EVI5L: variants seen among roughly 807,000 people sequenced by gnomAD.
The protein encoded by EVI5L is EVI5-like protein.
A neutral mutation model predicts 106.1 loss-of-function variants in EVI5L; 30 were observed. That is an observed-to-expected ratio of 0.28 (90% CI 0.21 to 0.38). EVI5L has a LOEUF of 0.38. EVI5L is among the 10% of genes least tolerant of loss of function. The probability of loss-of-function intolerance (pLI) is 1.00; values close to 1 mark genes in which losing one functional copy is unlikely to be tolerated. For synonymous variants in EVI5L, 489 were observed against 483.3 expected, an observed-to-expected ratio of 1.01 and a Z score of -0.15; for missense variants, 809 against 1,098.0, an observed-to-expected ratio of 0.74 and a Z score of 3.72.
chr19:7,833,378 A>AT (rs1978302938), intron 1 of EVI5L, among the ~76,000 whole-genome samples: 1 of 152,252 alleles, frequency 6.6e-6, no homozygotes, highest in Admixed American at 6.5e-5. Context: ...CACCATTGAC[A>AT]TATTATCTCA....
intron 8 of EVI5L, 34 bp from the exon 9 acceptor site, chr19:7,853,052 G>A: frequency 1.9e-6 from 3 of 1,612,566 alleles, no homozygotes; most frequent in Non-Finnish European, 2.5e-6. Context: ...GGGCCTGCAT[G>A]TTGGTGACCA....
intron 8 of EVI5L, among the ~76,000 whole-genome samples, chr19:7,852,177 G>A (rs1222307741): frequency 6.6e-6 from 1 of 152,316 alleles, no homozygotes; most frequent in East Asian, 1.9e-4. Flanking sequence ...GCAACCTCAC[G>A]CCTTGCCCCG....
chr19:7,863,841 C>G lies in EVI5L; in HGVS notation c.*139C>G. On this transcript the variant is annotated 3_prime_UTR_variant, in exon 20 of 20. Coordinates refer to ENST00000538904, the MANE Select transcript of EVI5L (RefSeq NM_001159944.3). This position sits in a 1 kb window ranked among gnomAD's most constrained non-coding sequence, Gnocchi z 7.7. ...CGGCCACCCCTAAAGCGAGGCCCGGCGAGGCAGCGCAGAGGGTAGGGTCCG... is the reference window on the plus strand; with the variant it reads ...CGGCCACCCCTAAAGCGAGGCCCGGGGAGGCAGCGCAGAGGGTAGGGTCCG... 2 of 1,232,476 alleles carry G rather than the reference C, an allele frequency of 1.6e-6. No individual in the cohort carries two copies. Among genetic ancestry groups the G allele is most frequent in the Non-Finnish European group, 2.1e-6 (2 of 930,870 alleles). The allele number at this position is 1,232,476 out of a possible 1,614,324, so 76.3% of individuals were successfully genotyped here.
At position 7,862,215 on chromosome 19, in the gene EVI5L, G is replaced by GAGGCCC. The variant is rs1568245680; in HGVS notation, c.1745_1750dup (p.Gln582_Ala583dup). 3 of 1,573,122 alleles carry GAGGCCC rather than the reference G, an allele frequency of 1.9e-6. No individual in the cohort carries two copies. The highest frequency in any genetic ancestry group is 2.3e-5 in the East Asian group (1 of 43,092). The stretch of plus-strand genomic sequence containing the variant: ...CGAGCTGATGAGCGTGCGTCTGCGC[G>GAGGCCC]AGGCCCAGGCCCTGGCCGAGGGCCG... On this transcript the variant is annotated inframe_insertion, in exon 16 of 20. Coordinates refer to ENST00000538904, the MANE Select transcript of EVI5L (RefSeq NM_001159944.3).
At chr19:7,844,875 T>C (rs1978882253) in intron 1 of EVI5L, among the ~76,000 whole-genome samples, 1 of 152,094 alleles carries the variant, frequency 6.6e-6, no homozygotes, top group African/African-American at 2.4e-5. Context: ...GAAAAAAGAA[T>C]GGCGCACCTC....
rs532781785 is a variant in EVI5L at position 7,833,209 on chromosome 19, G to A, written c.-48+2828G>A. 2.0e-5 allele frequency among the ~76,000 whole-genome samples: 3 copies of A among 152,322 alleles called. No homozygotes were observed. The East Asian group carries it at 5.8e-4, about 29-fold the overall frequency. Reference sequence around the variant, plus strand: ...ATGTATATTTCAATTTCCTCTTGCAGAATAGAGATGCCAGTTGTTACAGGG... The same window carrying A: ...ATGTATATTTCAATTTCCTCTTGCAAAATAGAGATGCCAGTTGTTACAGGG... On this transcript the variant is annotated intron_variant, in intron 1 of 19. Coordinates refer to ENST00000538904, the MANE Select transcript of EVI5L (RefSeq NM_001159944.3).
At position 7,831,245 on chromosome 19, in the gene EVI5L, A is replaced by G. The variant is rs867391223; in HGVS notation, c.-48+864A>G. On this transcript the variant is annotated intron_variant, in intron 1 of 19. Coordinates refer to ENST00000538904, the MANE Select transcript of EVI5L (RefSeq NM_001159944.3). ...ACCCCAAACACACACACACACACAC[A>G]CACACACACACACACACACACACAC... Among the ~76,000 whole-genome samples the G allele has an allele frequency of 4.0e-4, 58 of 144,758 alleles. No individual in the cohort carries two copies. The East Asian group carries it at 5.3e-3, about 13-fold the overall frequency. The allele number at this position is 144,758 out of a possible 152,430, so 95.0% of individuals were successfully genotyped here. A position where few individuals can be genotyped will look rare whatever the true frequency, so the allele number is the denominator to read the frequency against.
In EVI5L at chr19:7,863,143, C is replaced by T; in HGVS notation, c.2044-42C>T. The T allele has an allele frequency of 6.5e-7, 1 of 1,542,920 alleles. No homozygotes were observed. The highest frequency in any genetic ancestry group is 1.4e-5 in the African/African-American group (1 of 72,410). ...GCAGGAGCGGGGCCGGACCCCAGGC[C>T]CAGCATGGCACTGGCCCCGCGTGAC... On this transcript the variant is annotated intron_variant, in intron 18 of 19. Coordinates refer to ENST00000538904, the MANE Select transcript of EVI5L (RefSeq NM_001159944.3). This position sits in a 1 kb window ranked among gnomAD's most constrained non-coding sequence, Gnocchi z 7.7.
chr19:7,858,841 T>C lies in EVI5L; in HGVS notation c.1374+510T>C, dbSNP rs1979661978. Reference sequence around the variant, plus strand: ...GGGCCATGAACTTTGGGTCCCATGATGGGCAGGCCCATGAGTGGGGCCCCA... The same window carrying C: ...GGGCCATGAACTTTGGGTCCCATGACGGGCAGGCCCATGAGTGGGGCCCCA... On this transcript the variant is annotated intron_variant, in intron 13 of 19. Coordinates refer to ENST00000538904, the MANE Select transcript of EVI5L (RefSeq NM_001159944.3). The surrounding 1 kb of genome is among the most constrained non-coding windows in gnomAD (Gnocchi z 5.7). The C allele has an allele frequency of 6.5e-6, 1 of 153,620 alleles. No homozygotes were observed. The highest frequency in any genetic ancestry group is 6.5e-5 in the Admixed American group (1 of 15,420). The allele number at this position is 153,620 out of a possible 1,614,324, so 9.5% of individuals were successfully genotyped here.
intron 17 of EVI5L, 117 bp downstream of exon 17, chr19:7,862,651 C>A (rs1260393689): frequency 1.1e-6 from 1 of 950,684 alleles, no homozygotes; most frequent in Non-Finnish European, 1.4e-6. Flanking sequence ...TGCCCCTGCC[C>A]GCGGTCCTCC....
chr19:7,838,265 C>G lies in EVI5L; in HGVS notation c.-48+7884C>G, dbSNP rs186240781. The stretch of plus-strand genomic sequence containing the variant: ...CTCAGATTACAGGCATGTGCCACCA[C>G]GCCCAGCAAATTTTTTTGTATCTTT... On this transcript the variant is annotated intron_variant, in intron 1 of 19. Transcript: ENST00000538904. Among the ~76,000 whole-genome samples the G allele has an allele frequency of 7.0e-3, 1,061 of 152,230 alleles. 10 individuals are homozygous for G. The highest frequency in any genetic ancestry group is 0.024 in the African/African-American group (1,009 of 41,544).
chr19:7,855,400 C>T (rs1158963543), intron 10 of EVI5L, among the ~76,000 whole-genome samples: 4 of 152,140 alleles, frequency 2.6e-5, no homozygotes, highest in Non-Finnish European at 5.9e-5. Flanking sequence ...CCTAAAACCG[C>T]AAATATCTAG....
chr19:7,863,374 G>A lies in EVI5L; in HGVS notation c.2140-50G>A. The A allele has an allele frequency of 6.5e-7, 1 of 1,535,944 alleles. No individual in the cohort carries two copies. Among genetic ancestry groups the A allele is most frequent in the South Asian group, 1.2e-5 (1 of 82,720 alleles). On this transcript the variant is annotated intron_variant, in intron 19 of 19. Transcript: ENST00000538904. The surrounding 1 kb of genome is among the most constrained non-coding windows in gnomAD (Gnocchi z 7.7). Reference sequence around the variant, plus strand: ...GCCTTGCGGAGGATGCGGCTGGGAGGGCGGGGCAGAAGGCCGGTCCACGCC... The same window carrying A: ...GCCTTGCGGAGGATGCGGCTGGGAGAGCGGGGCAGAAGGCCGGTCCACGCC...
Position 7,846,611 on chromosome 19 carries a change from A to G in EVI5L, c.69A>G (p.Pro23=), listed in dbSNP as rs2146422863. The change falls in exon 2 of 20, where the codon CCA becomes CCG. Residue 23 remains proline (P), a synonymous_variant. Coordinates refer to ENST00000538904, the MANE Select transcript of EVI5L (RefSeq NM_001159944.3). Reference sequence around the variant, plus strand: ...CCCTGTCGGCCCCCACCTGCTCCCCAACCTCTGACTCCGAGAACCTCAGCC... The same window carrying G: ...CCCTGTCGGCCCCCACCTGCTCCCCGACCTCTGACTCCGAGAACCTCAGCC... ...QEALSAPTCS[P]TSDSENLSPD... 5 of 1,613,756 alleles carry G rather than the reference A, an allele frequency of 3.1e-6. No homozygotes were observed. The highest frequency in any genetic ancestry group is 3.4e-6 in the Non-Finnish European group (4 of 1,179,922).
rs1181650528 is a variant in EVI5L, at chr19:7,848,156, T to C, written c.327+235T>C. 1.3e-5 allele frequency among the ~76,000 whole-genome samples: 2 copies of C among 152,058 alleles called. No individual in the cohort carries two copies. The highest frequency in any genetic ancestry group is 4.8e-5 in the African/African-American group (2 of 41,380). ...GAGTGCCCATGTGCTTGCTGCCCTG[T>C]AGTGCCCATGAAGGATGGGGGTGTG... On this transcript the variant is annotated intron_variant, in intron 3 of 19. Coordinates refer to ENST00000538904, the MANE Select transcript of EVI5L (RefSeq NM_001159944.3). This position sits in a 1 kb window ranked among gnomAD's most constrained non-coding sequence, Gnocchi z 4.8.
chr19:7,854,132 A>G (rs1245072815), intron 10 of EVI5L, among the ~76,000 whole-genome samples: 1 of 151,692 alleles, frequency 6.6e-6, no homozygotes, highest in African/African-American at 2.4e-5. Context: ...AAATACAAAA[A>G]TTAGCTGGGT....
chr19:7,856,858 C>T lies in EVI5L; in HGVS notation c.1201-234C>T. 2 of 690,092 alleles carry T rather than the reference C, an allele frequency of 2.9e-6. No individual in the cohort carries two copies. Among genetic ancestry groups the T allele is most frequent in the South Asian group, 1.5e-5 (1 of 65,564 alleles). 42.7% of individuals were successfully genotyped at this position (690,092 alleles called of 1,614,324 possible). ...CGGCCTCCCCCACAGCCGCGGGCACCCCCGACCTCCCCGCTCACACCGAAC... is the reference window on the plus strand; with the variant it reads ...CGGCCTCCCCCACAGCCGCGGGCACTCCCGACCTCCCCGCTCACACCGAAC... On this transcript the variant is annotated intron_variant, in intron 11 of 19. Coordinates refer to ENST00000538904, the MANE Select transcript of EVI5L (RefSeq NM_001159944.3). This position sits in a 1 kb window ranked among gnomAD's most constrained non-coding sequence, Gnocchi z 6.6.
At chr19:7,841,803 A>G (rs1482054608) in intron 1 of EVI5L, among the ~76,000 whole-genome samples, 2 of 152,168 alleles carry the variant, frequency 1.3e-5, no homozygotes, top group African/African-American at 4.8e-5. Context: ...CTCGCTCCCT[A>G]CCATGTCTCC....
chr19:7,836,108 G>A (rs138538204), intron 1 of EVI5L, among the ~76,000 whole-genome samples: 1 of 152,248 alleles, frequency 6.6e-6, no homozygotes, highest in East Asian at 1.9e-4. Context: ...ATGGTGGCAC[G>A]CACCTGTAAT....
Sources: allele counts gnomAD v4.1 joint callset (sites outside exome capture counted in the v4.1 genomes callset), GRCh38; gene constraint gnomAD v4.1.1; non-coding constraint Gnocchi (gnomAD v3.1); transcripts MANE v1.5; gene names NCBI Gene and HGNC (gene_info 2026-07-23, HGNC 2026-07-21).